NRG3: variants seen among roughly 807,000 people sequenced by gnomAD.
NRG3 encodes neuregulin 3, also known as pro-neuregulin-3, membrane-bound isoform.
NRG3 carries 31 observed loss-of-function variants against 66.9 expected under a neutral mutation model. The ratio of observed to expected loss-of-function variants is 0.46; its 90% CI spans 0.35 to 0.63. The LOEUF is 0.63. NRG3 is among the 20% of genes least tolerant of loss of function. The pLI is 0.00. For missense variants in NRG3, 910 were observed against 878.9 expected (o/e 1.04, Z -0.45); for synonymous variants, 393 against 359.4 (o/e 1.09, Z -1.06).
chr10:82,743,045 C>A (rs2058495201), intron 3 of NRG3, among the ~76,000 whole-genome samples: 1 of 151,996 alleles, frequency 6.6e-6, no homozygotes, highest in African/African-American at 2.4e-5. Flanking sequence ...GAGAAGATGC[C>A]CATTGGAAGC....
intron 1 of NRG3, among the ~76,000 whole-genome samples, chr10:82,231,119 G>A (rs2076433967): frequency 6.6e-6 from 1 of 152,108 alleles, no homozygotes; most frequent in Non-Finnish European, 1.5e-5. Flanking sequence ...GAGGAGGGTG[G>A]ATCACCTAAG....
At chr10:82,740,928 A>C (rs1420205793) in intron 3 of NRG3, among the ~76,000 whole-genome samples, 1 of 152,086 alleles carries the variant, frequency 6.6e-6, no homozygotes, top group African/African-American at 2.4e-5. Flanking sequence ...CAAAAGGAAC[A>C]TACTTTGCCC....
intron 1 of NRG3, among the ~76,000 whole-genome samples, chr10:82,027,409 G>C (rs1356316679): frequency 6.6e-6 from 1 of 151,988 alleles, no homozygotes; most frequent in Non-Finnish European, 1.5e-5. Flanking sequence ...ATGTTATTCT[G>C]AGTTTTTTTC....
chr10:82,103,197 CAG>C (rs1329137425), intron 1 of NRG3, among the ~76,000 whole-genome samples: 11 of 152,098 alleles, frequency 7.2e-5, no homozygotes, highest in Non-Finnish European at 8.8e-5. Context: ...ATGAAAAATT[CAG>C]AGTCATGATT....
intron 1 of NRG3, among the ~76,000 whole-genome samples, chr10:82,150,528 C>CAAAAAAAAAAA (rs1264827514): frequency 1.5e-4 from 8 of 51,724 alleles, no homozygotes; most frequent in African/African-American, 1.7e-4. Flanking sequence ...AAAGAGCACA[C>CAAAAAAAAAAA]ACAAAAAAAA....
chr10:81,972,345 T>C (rs945012069), intron 1 of NRG3, among the ~76,000 whole-genome samples: 5 of 152,120 alleles, frequency 3.3e-5, no homozygotes, highest in African/African-American at 1.2e-4. Context: ...ATATGATCCA[T>C]ATTGAGACAA....
At chr10:82,235,407 C>T (rs2076705151) in intron 1 of NRG3, among the ~76,000 whole-genome samples, 1 of 152,096 alleles carries the variant, frequency 6.6e-6, no homozygotes, top group African/African-American at 2.4e-5. Flanking sequence ...AACTATTTTT[C>T]TAACATCTCT....
At chr10:82,622,962 T>C (rs77560038) in intron 2 of NRG3, among the ~76,000 whole-genome samples, 3,106 of 151,996 alleles carry the variant, frequency 0.02, 98 homozygotes, top group African/African-American at 0.068. Context: ...CTATTTTCAA[T>C]TTTGGATGGG....
chr10:82,130,516 C>A (rs2068745427), intron 1 of NRG3, among the ~76,000 whole-genome samples: 1 of 151,998 alleles, frequency 6.6e-6, no homozygotes, highest in Non-Finnish European at 1.5e-5. Flanking sequence ...GTGGATATCT[C>A]TTTGATATAC....
In NRG3 at chr10:82,505,754, G is replaced by C. The variant is rs138972552; in HGVS notation, c.953+146886G>C. On this transcript the variant is annotated intron_variant, in intron 2 of 8. Transcript: ENST00000372141. ...GAACCCCTGATTTTGCTTTGTCCGGGATTCTTTTTCCAACCTCACTTTGAA... is the reference window on the plus strand; with the variant it reads ...GAACCCCTGATTTTGCTTTGTCCGGCATTCTTTTTCCAACCTCACTTTGAA... 1.1e-4 allele frequency among the ~76,000 whole-genome samples: 17 copies of C among 152,264 alleles called. No individual in the cohort carries two copies. In the East Asian group the frequency reaches 3.3e-3, roughly 29 times the overall value.
intron 6 of NRG3, among the ~76,000 whole-genome samples, chr10:82,962,003 G>C (rs910035507): frequency 1.3e-5 from 2 of 152,122 alleles, no homozygotes; most frequent in African/African-American, 4.8e-5. Flanking sequence ...GAATTGTCTG[G>C]CTCTGGCATT....
intron 2 of NRG3, among the ~76,000 whole-genome samples, chr10:82,531,224 G>A (rs1240884262): frequency 2.0e-5 from 3 of 151,586 alleles, no homozygotes; most frequent in Non-Finnish European, 4.4e-5. Context: ...TAAAATGCGA[G>A]TCCATACAGG....
At chr10:82,858,913 G>A (rs984455372) in intron 3 of NRG3, among the ~76,000 whole-genome samples, 2 of 150,124 alleles carry the variant, frequency 1.3e-5, no homozygotes, top group African/African-American at 4.9e-5. Context: ...CAGCAGAGAA[G>A]CCCATTTAAC....
chr10:82,401,845 T>C (rs1053213918), intron 2 of NRG3, among the ~76,000 whole-genome samples: 1 of 152,106 alleles, frequency 6.6e-6, no homozygotes, highest in Non-Finnish European at 1.5e-5. Context: ...ATTTGGAAAA[T>C]CAGATATCGT....
intron 2 of NRG3, among the ~76,000 whole-genome samples, chr10:82,709,060 C>A (rs1384333520): frequency 1.3e-5 from 2 of 152,116 alleles, no homozygotes; most frequent in South Asian, 2.1e-4. Context: ...TCATGAAGTC[C>A]CCCTCCATGT....
At chr10:82,812,269 C>T (rs1488754501) in intron 3 of NRG3, among the ~76,000 whole-genome samples, 1 of 152,088 alleles carries the variant, frequency 6.6e-6, no homozygotes, top group African/African-American at 2.4e-5. Flanking sequence ...AAGCAAGGCA[C>T]CTAGATTTCT....
At chr10:82,494,909 C>T (rs770088123) in intron 2 of NRG3, among the ~76,000 whole-genome samples, 11 of 151,710 alleles carry the variant, frequency 7.3e-5, no homozygotes, top group Non-Finnish European at 1.5e-4. Context: ...TATCAGACAC[C>T]GTGATAGGCT....
At chr10:82,810,811 C>T (rs921574760) in intron 3 of NRG3, among the ~76,000 whole-genome samples, 4 of 150,242 alleles carry the variant, frequency 2.7e-5, no homozygotes, top group African/African-American at 9.8e-5. Context: ...TGAACTAGGT[C>T]GCTGGTAATA....
chr10:82,053,431 G>A (rs947198265), intron 1 of NRG3, among the ~76,000 whole-genome samples: 1 of 152,168 alleles, frequency 6.6e-6, no homozygotes, highest in African/African-American at 2.4e-5. Flanking sequence ...TGGAAGATAA[G>A]AGCAGAAAGA....
Sources: gnomAD v4.1 joint callset for allele counts (sites outside exome capture counted in the v4.1 genomes callset) on GRCh38, gnomAD v4.1.1 for gene constraint, MANE v1.5 for transcripts, NCBI Gene and HGNC (gene_info 2026-07-23, HGNC 2026-07-21) for gene names.